The following PDE10A variants were observed in gnomAD, a reference collection of about 807,000 sequenced individuals.
PDE10A encodes the protein phosphodiesterase 10A, also known as cAMP and cAMP-inhibited cGMP 3',5'-cyclic phosphodiesterase 10A.
Under a neutral mutation model 97.7 loss-of-function variants are expected in PDE10A, and 39 were observed. The observed-to-expected ratio is 0.40, with a 90% CI of 0.31 to 0.52. The LOEUF is 0.52. Among genes scored for constraint, PDE10A ranks in the 20% least tolerant of loss-of-function variants. The pLI is 0.56. For missense variants in PDE10A, 731 were observed against 1,047.8 expected, an observed-to-expected ratio of 0.70 and a Z score of 4.17; for synonymous variants, 371 against 376.8, an observed-to-expected ratio of 0.98 and a Z score of 0.18.
intron 11 of PDE10A, among the ~76,000 whole-genome samples, chr6:165,417,816 C>T (rs561641746): frequency 2.6e-5 from 4 of 152,268 alleles, no homozygotes; most frequent in South Asian, 4.1e-4. Context: ...TATGATAGAA[C>T]GCCCAAATAA....
chr6:165,431,571 CAT>C, intron 7 of PDE10A, 99 bp from the exon 8 acceptor site: 2 of 345,774 alleles, frequency 5.8e-6, no homozygotes, highest in Non-Finnish European at 1.0e-5. Flanking sequence ...TAATACATAA[CAT>C]ATATATACTA....
At chr6:165,726,769 C>A (rs577548353) in intron 1 of PDE10A, among the ~76,000 whole-genome samples, 41 of 152,266 alleles carry the variant, frequency 2.7e-4, no homozygotes, top group Non-Finnish European at 2.9e-4. Flanking sequence ...CCATCCTCTG[C>A]GGTTCTCCCT....
At chr6:165,474,016 G>A (rs1779158145) in intron 3 of PDE10A, among the ~76,000 whole-genome samples, 1 of 152,186 alleles carries the variant, frequency 6.6e-6, no homozygotes, top group African/African-American at 2.4e-5. Context: ...TAGTTGTAGA[G>A]CATAATTATG....
chr6:165,876,469 C>T (rs1781349324), intron 1 of PDE10A, among the ~76,000 whole-genome samples: 6 of 152,098 alleles, frequency 3.9e-5, no homozygotes, highest in Admixed American at 3.9e-4. Context: ...CTGAAGAAAT[C>T]AACAAAAATG....
chr6:165,644,488 G>A (rs1309217464), intron 1 of PDE10A, among the ~76,000 whole-genome samples: 1 of 152,176 alleles, frequency 6.6e-6, no homozygotes, highest in Non-Finnish European at 1.5e-5. Flanking sequence ...TTCTTCACAT[G>A]TACAATGCCC....
intron 21 of PDE10A, among the ~76,000 whole-genome samples, chr6:165,334,192 T>C: frequency 6.6e-6 from 1 of 152,250 alleles, no homozygotes; most frequent in Non-Finnish European, 1.5e-5. Context: ...TCCAGCCAAG[T>C]ATACTGAAGC....
At chr6:165,378,456 A>G (rs1784747045) in intron 18 of PDE10A, among the ~76,000 whole-genome samples, 1 of 152,326 alleles carries the variant, frequency 6.6e-6, no homozygotes, top group South Asian at 2.1e-4. Context: ...TGTTACCACT[A>G]CAAATTGTCA....
In PDE10A at chr6:165,655,428, C is replaced by G. The variant is rs909935870; in HGVS notation, c.865+6519G>C. Among the ~76,000 whole-genome samples the G allele has an allele frequency of 1.3e-5, 2 of 152,114 alleles. No homozygotes were observed. The highest frequency in any genetic ancestry group is 2.9e-5 in the Non-Finnish European group (2 of 68,006). Reference sequence around the variant, plus strand: ...TCCCAATCCCAGTGAACAGCCCCACCATTTACCCAATCTTTCCAGCCAAAA... The same window carrying G: ...TCCCAATCCCAGTGAACAGCCCCACGATTTACCCAATCTTTCCAGCCAAAA... On this transcript the variant is annotated intron_variant, in intron 1 of 21. Coordinates refer to ENST00000539869, the MANE Select transcript of PDE10A (RefSeq NM_001385079.1). The surrounding 1 kb of genome is among the most constrained non-coding windows in gnomAD (Gnocchi z 4.5).
At chr6:165,425,925 C>CA (rs914599098) in intron 10 of PDE10A, among the ~76,000 whole-genome samples, 2 of 150,446 alleles carry the variant, frequency 1.3e-5, no homozygotes, top group Non-Finnish European at 3.0e-5. Context: ...AGTATAAAAT[C>CA]AAAAAATAAA....
At chr6:165,469,320 G>A (rs1778849215) in intron 3 of PDE10A, among the ~76,000 whole-genome samples, 1 of 152,166 alleles carries the variant, frequency 6.6e-6, no homozygotes, top group African/African-American at 2.4e-5. Flanking sequence ...CCATATAGCA[G>A]GGTGTTGTAT....
chr6:165,565,200 T>A (rs1338815247), intron 1 of PDE10A, among the ~76,000 whole-genome samples: 1 of 151,726 alleles, frequency 6.6e-6, no homozygotes, highest in Non-Finnish European at 1.5e-5. Flanking sequence ...ATAGAAAAAT[T>A]TTTTTAAAAA....
chr6:165,427,900 T>C (rs191385250), intron 10 of PDE10A, among the ~76,000 whole-genome samples: 1 of 152,292 alleles, frequency 6.6e-6, no homozygotes, highest in Admixed American at 6.5e-5. Context: ...AAGAATGTGC[T>C]GAAGTTAATA....
intron 1 of PDE10A, among the ~76,000 whole-genome samples, chr6:165,922,744 C>T (rs543529075): frequency 3.4e-4 from 52 of 152,270 alleles, no homozygotes; most frequent in African/African-American, 1.2e-3. Context: ...AAAAGTGCCC[C>T]GTGGGTAGTG....
At chr6:165,899,297 G>C (rs370123815) in intron 1 of PDE10A, among the ~76,000 whole-genome samples, 2 of 152,334 alleles carry the variant, frequency 1.3e-5, no homozygotes, top group African/African-American at 4.8e-5. Context: ...CTGGTAGCAA[G>C]TTAAAGAAAA....
chr6:165,434,589 A>G (rs747117927), intron 6 of PDE10A, among the ~76,000 whole-genome samples: 5 of 152,184 alleles, frequency 3.3e-5, no homozygotes, highest in Non-Finnish European at 7.3e-5. Context: ...GCTCTGGCTA[A>G]TGGGAGGGTA....
chr6:165,409,888 G>GTTT (rs58019647), intron 13 of PDE10A, among the ~76,000 whole-genome samples: 65,529 of 140,264 alleles, frequency 0.47, 15,833 homozygotes, highest in Middle Eastern at 0.6. Context: ...CTTTTCAGAA[G>GTTT]TTTTTTTTTT....
At chr6:165,798,338 G>A (rs12526697) in intron 1 of PDE10A, among the ~76,000 whole-genome samples, 35,079 of 152,034 alleles carry the variant, frequency 0.23, 4,151 homozygotes, top group African/African-American at 0.27. Context: ...ATTACGGGGA[G>A]AAAGGATAGG....
chr6:165,595,213 T>C (rs769177828), intron 1 of PDE10A, among the ~76,000 whole-genome samples: 4 of 152,120 alleles, frequency 2.6e-5, no homozygotes, highest in Non-Finnish European at 5.9e-5. Flanking sequence ...CCTCAGTCCA[T>C]CCTTTGCTAG....
At chr6:165,560,674 C>T (rs1784475924) in intron 1 of PDE10A, among the ~76,000 whole-genome samples, 1 of 152,068 alleles carries the variant, frequency 6.6e-6, no homozygotes, top group African/African-American at 2.4e-5. Flanking sequence ...ACTATGTCAC[C>T]CTTAACCAGT....
Sources: gnomAD v4.1 joint callset for allele counts (sites outside exome capture counted in the v4.1 genomes callset) on GRCh38, gnomAD v4.1.1 for gene constraint, Gnocchi (gnomAD v3.1) non-coding constraint, MANE v1.5 for transcripts, NCBI Gene and HGNC (gene_info 2026-07-23, HGNC 2026-07-21) for gene names.